The following VTI1A variants were observed in gnomAD, a reference collection of about 807,000 sequenced individuals.
VTI1A encodes the protein vesicle transport through interaction with t-SNAREs homolog 1A.
In VTI1A, 22 loss-of-function variants were observed where a neutral mutation model predicts 34.9. That is an observed-to-expected ratio of 0.63 (90% CI 0.45 to 0.90). VTI1A has a LOEUF of 0.90. VTI1A is among the 40% of genes least tolerant of loss of function. VTI1A has a pLI of 0.00. For missense variants in VTI1A, 268 were observed against 275.6 expected (o/e 0.97, Z 0.20); for synonymous variants, 87 against 97.3 (o/e 0.89, Z 0.62).
At chr10:112,581,447 T>G (rs1736812698) in intron 5 of VTI1A, among the ~76,000 whole-genome samples, 2 of 152,270 alleles carry the variant, frequency 1.3e-5, no homozygotes, top group Admixed American at 6.5e-5. Context: ...AAAAATCACC[T>G]TGTGTAAGTT....
At chr10:112,550,306 T>C (rs1851299483) in intron 5 of VTI1A, among the ~76,000 whole-genome samples, 2 of 151,960 alleles carry the variant, frequency 1.3e-5, no homozygotes, top group South Asian at 4.2e-4. Flanking sequence ...GAATTTTTAA[T>C]CAAGTTTATT....
intron 7 of VTI1A, among the ~76,000 whole-genome samples, chr10:112,807,517 G>A (rs1224752080): frequency 3.9e-5 from 6 of 152,034 alleles, no homozygotes; most frequent in South Asian, 2.1e-4. Flanking sequence ...ACCAGTCATC[G>A]GATTTAGGGC....
chr10:112,609,438 AT>A (rs1845208150), intron 5 of VTI1A, among the ~76,000 whole-genome samples: 1 of 152,194 alleles, frequency 6.6e-6, no homozygotes, highest in Admixed American at 6.5e-5. Context: ...TGGGGGAATA[AT>A]TTGAGTGTAA....
chr10:112,619,754 A>G (rs544041051), intron 5 of VTI1A, among the ~76,000 whole-genome samples: 1 of 152,150 alleles, frequency 6.6e-6, no homozygotes, highest in South Asian at 2.1e-4. Context: ...GGCTTGGGAT[A>G]AAATGTACAT....
intron 5 of VTI1A, among the ~76,000 whole-genome samples, chr10:112,629,185 C>A (rs573300137): frequency 6.6e-6 from 1 of 152,270 alleles, no homozygotes. Flanking sequence ...GCGCTGTCAT[C>A]ATGGCTGCAG....
In VTI1A at chr10:112,455,665, CCCTTCCTT is replaced by C. The variant is rs144913637; in HGVS notation, c.95-4839_95-4832del. Among the ~76,000 whole-genome samples the C allele has an allele frequency of 4.6e-4, 57 of 125,210 alleles. 1 individual carries two copies. Among genetic ancestry groups the C allele is most frequent in the African/African-American group, 1.7e-3 (52 of 30,462 alleles). 82.1% of individuals were successfully genotyped at this position (125,210 alleles called of 152,430 possible). On this transcript the variant is annotated intron_variant, in intron 1 of 7. Transcript: ENST00000393077. ...CTCCTTCTCCCCTCCCTCCCTTCCT[CCCTTCCTT>C]CCTTCCTTCCTTCCTTCCTCATACT...
At chr10:112,819,845 C>T (rs1349478764), downstream of VTI1A, among the ~76,000 whole-genome samples, 1 of 152,204 alleles carries the variant, frequency 6.6e-6, no homozygotes, top group Admixed American at 6.5e-5. Context: ...AAGCCACCCT[C>T]AGAGGCCCGG....
At chr10:112,486,400 C>T (rs1430004588) in intron 3 of VTI1A, among the ~76,000 whole-genome samples, 1 of 152,068 alleles carries the variant, frequency 6.6e-6, no homozygotes, top group Admixed American at 6.5e-5. Flanking sequence ...AATAATACAT[C>T]ATGAAAATGC....
chr10:112,570,428 A>G (rs1025020047), intron 5 of VTI1A, among the ~76,000 whole-genome samples: 2 of 152,218 alleles, frequency 1.3e-5, no homozygotes, highest in Non-Finnish European at 2.9e-5. Flanking sequence ...AATGGTAAAG[A>G]TTGAGCCTGG....
chr10:112,545,890 A>G (rs1322988264), intron 5 of VTI1A, among the ~76,000 whole-genome samples: 1 of 151,796 alleles, frequency 6.6e-6, no homozygotes, highest in Non-Finnish European at 1.5e-5. Flanking sequence ...ATGTGTATAT[A>G]TGCAAAAATT....
intron 7 of VTI1A, among the ~76,000 whole-genome samples, chr10:112,725,187 C>T (rs907756745): frequency 6.6e-6 from 1 of 152,144 alleles, no homozygotes; most frequent in Non-Finnish European, 1.5e-5. Flanking sequence ...TGTCTTTAAA[C>T]GTTCTTTAAT....
intron 3 of VTI1A, among the ~76,000 whole-genome samples, chr10:112,469,489 T>G (rs1848008178): frequency 1.3e-5 from 2 of 152,242 alleles, no homozygotes; most frequent in Non-Finnish European, 2.9e-5. Context: ...ATGCATGCTT[T>G]AGACCATGAG....
In VTI1A at chr10:112,564,002, A is replaced by C. The variant is rs368619353; in HGVS notation, c.427+25672A>C. Among the ~76,000 whole-genome samples the C allele has an allele frequency of 3.9e-5, 6 of 152,142 alleles. No homozygotes were observed. In the East Asian group the frequency reaches 5.8e-4, roughly 15 times the overall value. On this transcript the variant is annotated intron_variant, in intron 5 of 7. Coordinates refer to ENST00000393077, the MANE Select transcript of VTI1A (RefSeq NM_145206.4). ...TGGTTTTTAAACATTAGACATCATAAAGTTTATTTTAAAAACCTAAGGTGA... is the reference window on the plus strand; with the variant it reads ...TGGTTTTTAAACATTAGACATCATACAGTTTATTTTAAAAACCTAAGGTGA...
intron 5 of VTI1A, among the ~76,000 whole-genome samples, chr10:112,568,609 C>G (rs759193964): frequency 2.0e-5 from 3 of 152,062 alleles, no homozygotes; most frequent in Non-Finnish European, 2.9e-5. Context: ...TAAATGATAG[C>G]AAATGGTTCT....
At chr10:112,607,954 C>T (rs1845148738) in intron 5 of VTI1A, among the ~76,000 whole-genome samples, 1 of 152,154 alleles carries the variant, frequency 6.6e-6, no homozygotes, top group South Asian at 2.1e-4. Context: ...AGACAAAAGC[C>T]TTAGCATCTT....
the VTI1A span, chr10:112,825,670 G>A: frequency 4.6e-5 from 7 of 152,372 alleles, no homozygotes; most frequent in African/African-American, 1.7e-4. Context: ...TCACCAGGGT[G>A]CCTGTGGGGG....
intron 5 of VTI1A, among the ~76,000 whole-genome samples, chr10:112,626,336 A>G (rs1185395777): frequency 6.6e-6 from 1 of 152,108 alleles, no homozygotes; most frequent in Non-Finnish European, 1.5e-5. Context: ...TTTAATCTAC[A>G]TCTTCAAAAA....
At chr10:112,827,563 T>TA in the VTI1A span, 11 of 152,308 alleles carry the variant, frequency 7.2e-5, no homozygotes, top group African/African-American at 2.2e-4. Context: ...TTATTGTTTG[T>TA]AAAAAATCTA....
At chr10:112,786,905 G>A (rs189284323) in intron 7 of VTI1A, among the ~76,000 whole-genome samples, 18 of 152,174 alleles carry the variant, frequency 1.2e-4, no homozygotes, top group African/African-American at 7.2e-5. Context: ...TTTTTTATCC[G>A]GGTGATACGG....
Sources: gnomAD v4.1 joint callset for allele counts (sites outside exome capture counted in the v4.1 genomes callset) on GRCh38, gnomAD v4.1.1 for gene constraint, MANE v1.5 for transcripts, NCBI Gene and HGNC (gene_info 2026-07-23, HGNC 2026-07-21) for gene names.